TMEM117: variants seen among roughly 807,000 people sequenced by gnomAD.
TMEM117 encodes the protein transmembrane protein 117.
Under a neutral mutation model 52.4 loss-of-function variants are expected in TMEM117, and 27 were observed. The observed-to-expected ratio is 0.51, with a 90% confidence interval of 0.38 to 0.71. TMEM117 has a LOEUF of 0.71. Ranked by LOEUF, TMEM117 falls within the 30% of genes least tolerant of loss-of-function variation. The pLI is 0.00. For missense variants in TMEM117, 556 were observed against 630.5 expected (o/e 0.88, Z 1.26); for synonymous variants, 215 against 206.3 (o/e 1.04, Z -0.36).
chr12:43,820,992 G>A, the TMEM117 span, among the ~76,000 whole-genome samples: 2 of 151,752 alleles, frequency 1.3e-5, no homozygotes, highest in Non-Finnish European at 2.9e-5. Context: ...CTACTTGGGA[G>A]GCTGAGGCAG....
chr12:44,201,767 T>C (rs1019181913), intron 4 of TMEM117, among the ~76,000 whole-genome samples: 3 of 152,186 alleles, frequency 2.0e-5, no homozygotes, highest in African/African-American at 7.2e-5. Flanking sequence ...AATTTGGTTG[T>C]AGGCTATATC....
At chr12:44,375,185 G>C (rs1340982272) in intron 6 of TMEM117, among the ~76,000 whole-genome samples, 1 of 152,090 alleles carries the variant, frequency 6.6e-6, no homozygotes, top group Non-Finnish European at 1.5e-5. Flanking sequence ...TGCATCTTAA[G>C]TCATAATATT....
chr12:44,177,682 G>T (rs76126790), intron 4 of TMEM117, among the ~76,000 whole-genome samples: 18 of 152,068 alleles, frequency 1.2e-4, no homozygotes, highest in Non-Finnish European at 2.1e-4. Context: ...TACTGATTTG[G>T]GTATGAACTG....
the TMEM117 span, among the ~76,000 whole-genome samples, chr12:43,805,179 A>T: frequency 8.2e-3 from 1,246 of 152,332 alleles, 8 homozygotes; most frequent in Non-Finnish European, 0.014. Flanking sequence ...ATTTCGTTCT[A>T]ATTTCGTTCC....
chr12:44,336,437 G>A (rs1951341671), intron 6 of TMEM117, among the ~76,000 whole-genome samples: 1 of 151,964 alleles, frequency 6.6e-6, no homozygotes, highest in South Asian at 2.1e-4. Context: ...TTTGCCATGA[G>A]CTACTAATTT....
chr12:43,933,199 T>C (rs1407565464), intron 2 of TMEM117, among the ~76,000 whole-genome samples: 1 of 152,098 alleles, frequency 6.6e-6, no homozygotes, highest in African/African-American at 2.4e-5. Flanking sequence ...GGTAGTAATA[T>C]TAACTTTTTT....
chr12:44,222,641 G>A (rs1949803959), intron 5 of TMEM117, among the ~76,000 whole-genome samples: 1 of 152,088 alleles, frequency 6.6e-6, no homozygotes, highest in Admixed American at 6.6e-5. Context: ...GCCTCTAGGT[G>A]GAAGGGAAGA....
At chr12:43,830,448 A>T in the TMEM117 span, among the ~76,000 whole-genome samples, 945 of 151,800 alleles carry the variant, frequency 6.2e-3, 8 homozygotes, top group Admixed American at 9.4e-3. Flanking sequence ...CTCTACTAAA[A>T]ATACAAAAAA....
At chr12:43,898,232 C>A (rs1488509094) in intron 2 of TMEM117, among the ~76,000 whole-genome samples, 1 of 152,022 alleles carries the variant, frequency 6.6e-6, no homozygotes, top group African/African-American at 2.4e-5. Flanking sequence ...TCCTATGAAT[C>A]TGAGTTCTTG....
chr12:44,353,220 T>C (rs867002401), intron 6 of TMEM117, among the ~76,000 whole-genome samples: 8 of 151,854 alleles, frequency 5.3e-5, no homozygotes, highest in Middle Eastern at 3.2e-3. Context: ...GAGTAGGTTG[T>C]GAAAATTTTC....
chr12:44,055,232 TAGG>T (rs1947035998), intron 3 of TMEM117, among the ~76,000 whole-genome samples: 1 of 152,164 alleles, frequency 6.6e-6, no homozygotes, highest in South Asian at 2.1e-4. Flanking sequence ...TAAGAAGAGA[TAGG>T]AGAATGCAGA....
chr12:44,274,105 G>A (rs965708173), intron 5 of TMEM117, among the ~76,000 whole-genome samples: 4 of 152,130 alleles, frequency 2.6e-5, no homozygotes, highest in Non-Finnish European at 5.9e-5. Context: ...GATAAATTCA[G>A]TAAAGTTGCA....
At chr12:44,232,332 A>G (rs893039006) in intron 5 of TMEM117, among the ~76,000 whole-genome samples, 2 of 151,546 alleles carry the variant, frequency 1.3e-5, no homozygotes, top group Non-Finnish European at 3.0e-5. Context: ...TTTCTTATAT[A>G]GATAAACCAT....
intron 5 of TMEM117, among the ~76,000 whole-genome samples, chr12:44,267,922 C>T (rs972760419): frequency 6.6e-6 from 1 of 152,148 alleles, no homozygotes; most frequent in Non-Finnish European, 1.5e-5. Flanking sequence ...TAGGTTGTTT[C>T]TATGTCTCAG....
At chr12:44,020,126 G>GT (rs1165216086) in intron 3 of TMEM117, among the ~76,000 whole-genome samples, 1 of 152,042 alleles carries the variant, frequency 6.6e-6, no homozygotes, top group Non-Finnish European at 1.5e-5. Context: ...AAAATCCCAG[G>GT]TTTTTTGGTC....
At chr12:43,905,143 CA>C (rs11327213) in intron 2 of TMEM117, among the ~76,000 whole-genome samples, 31,772 of 143,086 alleles carry the variant, frequency 0.22, 6,321 homozygotes, top group African/African-American at 0.55. Flanking sequence ...AACTCGGTCT[CA>C]AAAAAAAAAA....
chr12:44,301,042 G>A (rs1592677114), intron 6 of TMEM117, among the ~76,000 whole-genome samples: 1 of 152,092 alleles, frequency 6.6e-6, no homozygotes, highest in Non-Finnish European at 1.5e-5. Context: ...GTCCACATTG[G>A]CCAGATGGCC....
chr12:44,171,217 A>G (rs1027752591), intron 4 of TMEM117, among the ~76,000 whole-genome samples: 3 of 151,862 alleles, frequency 2.0e-5, no homozygotes, highest in Non-Finnish European at 4.4e-5. Flanking sequence ...GGGTTTCACC[A>G]TTTTAGCCGG....
chr12:44,313,320 T>C (rs1407108253), intron 6 of TMEM117, among the ~76,000 whole-genome samples: 1 of 152,238 alleles, frequency 6.6e-6, no homozygotes, highest in Non-Finnish European at 1.5e-5. Flanking sequence ...TTCATTCTTC[T>C]GCATATGACT....
Sources: allele counts gnomAD v4.1 joint callset (sites outside exome capture counted in the v4.1 genomes callset), GRCh38; gene constraint gnomAD v4.1.1; transcripts MANE v1.5; gene names NCBI Gene and HGNC (gene_info 2026-07-23, HGNC 2026-07-21).